VAMP7: variants seen among roughly 807,000 people sequenced by gnomAD.
VAMP7 encodes vesicle associated membrane protein 7, also known as vesicle-associated membrane protein 7.
Under a neutral mutation model 29.6 loss-of-function variants are expected in VAMP7, and 14 were observed. The ratio of observed to expected loss-of-function variants is 0.47; its 90% confidence interval spans 0.31 to 0.74. The LOEUF (loss-of-function observed/expected upper bound fraction) is 0.74, where lower values mean the gene tolerates loss of function less well. Among genes scored for constraint, VAMP7 ranks in the 30% least tolerant of loss-of-function variants. VAMP7 has a pLI of 0.05. For synonymous variants in VAMP7, 95 were observed against 88.1 expected, an observed-to-expected ratio of 1.08 and a Z score of -0.44; for missense variants, 223 against 262.4, an observed-to-expected ratio of 0.85 and a Z score of 1.04.
chrX:155,910,837 A>T (rs1488209403), intron 5 of VAMP7, among the ~76,000 whole-genome samples: 2 of 152,058 alleles, frequency 1.3e-5, no homozygotes, highest in African/African-American at 4.8e-5. Context: ...TCTGGATATT[A>T]TTCCCTTATC....
At chrX:155,911,684 T>C (rs950963757) in intron 5 of VAMP7, among the ~76,000 whole-genome samples, 1 of 152,176 alleles carries the variant, frequency 6.6e-6, no homozygotes, top group Non-Finnish European at 1.5e-5. Context: ...TTAAATTTAT[T>C]CTTCAATATT....
At chrX:155,903,325 C>T (rs1015467029) in intron 5 of VAMP7, among the ~76,000 whole-genome samples, 14 of 152,056 alleles carry the variant, frequency 9.2e-5, no homozygotes, top group Non-Finnish European at 8.8e-5. Context: ...ACACCAAAAG[C>T]AATGGCAACA....
intron 1 of VAMP7, among the ~76,000 whole-genome samples, chrX:155,887,700 A>C (rs2065880546): frequency 6.6e-6 from 1 of 152,098 alleles, no homozygotes; most frequent in African/African-American, 2.4e-5. Context: ...AGGCCAAGGC[A>C]GGTGGATCAC....
intron 1 of VAMP7, among the ~76,000 whole-genome samples, chrX:155,883,024 CTTA>C (rs1282022718): frequency 6.6e-6 from 1 of 152,160 alleles, no homozygotes; most frequent in Non-Finnish European, 1.5e-5. Context: ...AGATTATTCA[CTTA>C]TTATACTTTA....
intron 6 of VAMP7, among the ~76,000 whole-genome samples, chrX:155,924,820 GATAGCAATTTACTGGCA>G (rs1388108846): frequency 3.3e-5 from 5 of 152,160 alleles, no homozygotes; most frequent in Admixed American, 6.5e-5. Context: ...GTTGCTATTT[GATAGCAATTTACTGGCA>G]ATAGAACTTC....
chrX:155,902,986 A>G (rs2066089135), intron 5 of VAMP7, among the ~76,000 whole-genome samples: 1 of 151,656 alleles, frequency 6.6e-6, no homozygotes, highest in African/African-American at 2.4e-5. Flanking sequence ...TCTGCTGTGA[A>G]TCCATCTGGT....
chrX:155,915,154 G>A (rs1020105217), intron 5 of VAMP7, among the ~76,000 whole-genome samples: 1 of 152,118 alleles, frequency 6.6e-6, no homozygotes, highest in African/African-American at 2.4e-5. Context: ...TTGCATAGAG[G>A]TGTTTATAGT....
chrX:155,883,610 A>T (rs904145772), intron 1 of VAMP7, among the ~76,000 whole-genome samples: 8 of 152,148 alleles, frequency 5.3e-5, no homozygotes, highest in African/African-American at 1.9e-4. Flanking sequence ...TGTGCTATGT[A>T]ATGAGTTAAT....
intron 5 of VAMP7, among the ~76,000 whole-genome samples, chrX:155,917,215 T>G (rs1482734900): frequency 6.6e-6 from 1 of 152,166 alleles, no homozygotes; most frequent in African/African-American, 2.4e-5. Flanking sequence ...ATCAGGTCAT[T>G]TATGTTCTTC....
intron 2 of VAMP7, among the ~76,000 whole-genome samples, chrX:155,891,061 C>T (rs1366559793): frequency 1.3e-5 from 2 of 152,188 alleles, no homozygotes; most frequent in African/African-American, 4.8e-5. Context: ...TATCCCAGTG[C>T]TTGCCCAGTA....
At chrX:155,898,011 A>G (rs963311) in intron 3 of VAMP7, 101 bp from the exon 4 acceptor site, 848,603 of 1,413,410 alleles carry the variant, frequency 0.6, 256,237 homozygotes, top group Middle Eastern at 0.71. Context: ...TCAGATAATC[A>G]TTGCTCAGTA....
rs1341093211 is a variant in VAMP7 at position 155,895,626 on chromosome X, T to C, written c.150T>C (p.Tyr50=). 1.2e-6 allele frequency: 2 copies of C among 1,607,840 alleles called. No individual in the cohort carries two copies. The highest frequency in any genetic ancestry group is 1.1e-5 in the South Asian group (1 of 90,828). The part of the protein sequence containing the change: ...NNKLTYSHGN[Y]LFHYICQDRI... ...TTTTATATCTTTTATTCTACAGTTA[T>C]TTGTTTCATTACATCTGCCAAGACA... is the stretch of plus-strand genomic sequence containing the variant. The change falls in exon 3 of 8, where the codon TAT becomes TAC. Residue 50 remains tyrosine, a synonymous_variant. Transcript: ENST00000286448.
At chrX:155,941,832 G>A (rs1232856130) in intron 7 of VAMP7, 51 bp from the exon 8 acceptor site, 3 of 1,568,188 alleles carry the variant, frequency 1.9e-6, no homozygotes, top group Admixed American at 1.8e-5. Context: ...ATATTATTTA[G>A]AATAATATGA....
intron 5 of VAMP7, among the ~76,000 whole-genome samples, chrX:155,904,085 C>G (rs1299570659): frequency 1.3e-5 from 2 of 151,418 alleles, no homozygotes; most frequent in African/African-American, 4.9e-5. Flanking sequence ...AATCCTCATT[C>G]TCAGTAAACT....
At chrX:155,904,517 T>G (rs1204712320) in intron 5 of VAMP7, among the ~76,000 whole-genome samples, 1 of 152,126 alleles carries the variant, frequency 6.6e-6, no homozygotes, top group Non-Finnish European at 1.5e-5. Flanking sequence ...CACAGAATTG[T>G]ACAACCATTG....
At chrX:155,922,995 T>C (rs941104758) in intron 6 of VAMP7, among the ~76,000 whole-genome samples, 1 of 152,024 alleles carries the variant, frequency 6.6e-6, no homozygotes, top group African/African-American at 2.4e-5. Context: ...CTGATTGCTT[T>C]AGGGTTTACA....
At chrX:155,930,127 G>A (rs1193796467) in intron 6 of VAMP7, among the ~76,000 whole-genome samples, 1 of 152,108 alleles carries the variant, frequency 6.6e-6, no homozygotes, top group Non-Finnish European at 1.5e-5. Flanking sequence ...GCAGAGCATT[G>A]CCTAACAGGA....
At chrX:155,930,092 T>C (rs2066526251) in intron 6 of VAMP7, among the ~76,000 whole-genome samples, 1 of 152,196 alleles carries the variant, frequency 6.6e-6, no homozygotes, top group Admixed American at 6.5e-5. Flanking sequence ...CGTTGCTCTC[T>C]TGGCATCAGT....
intron 5 of VAMP7, among the ~76,000 whole-genome samples, chrX:155,904,106 C>CA (rs1212617968): frequency 6.7e-6 from 1 of 149,208 alleles, no homozygotes; most frequent in Non-Finnish European, 1.5e-5. Flanking sequence ...ATCGCAAGAA[C>CA]AAAAAACCAA....
Sources: allele counts gnomAD v4.1 joint callset (sites outside exome capture counted in the v4.1 genomes callset), GRCh38; gene constraint gnomAD v4.1.1; transcripts MANE v1.5; gene names NCBI Gene and HGNC (gene_info 2026-07-23, HGNC 2026-07-21).